Variants in PBX1 observed in about 807,000 individuals in gnomAD.
The protein encoded by PBX1 is pre-B-cell leukemia transcription factor 1.
In PBX1, 6 loss-of-function variants were observed where a neutral mutation model predicts 53.4. The observed-to-expected ratio is 0.11, with a 90% confidence interval of 0.06 to 0.22. The LOEUF is 0.22. PBX1 is among the 10% of genes least tolerant of loss of function. The pLI is 1.00. For synonymous variants in PBX1, 204 were observed against 212.3 expected, an observed-to-expected ratio of 0.96 and a Z score of 0.34; for missense variants, 251 against 551.4, an observed-to-expected ratio of 0.46 and a Z score of 5.46.
chr1:164,571,760 C>G (rs546014070), intron 2 of PBX1, among the ~76,000 whole-genome samples: 2 of 150,546 alleles, frequency 1.3e-5, no homozygotes, highest in Non-Finnish European at 3.0e-5. Context: ...CGTGATAACT[C>G]TATGTTTAGA....
At chr1:164,852,551 CT>C (rs999837897), downstream of PBX1, among the ~76,000 whole-genome samples, 3 of 152,176 alleles carry the variant, frequency 2.0e-5, no homozygotes, top group Admixed American at 1.3e-4. Flanking sequence ...CCTTGTCTGC[CT>C]TTTGACATGT....
intron 2 of PBX1, among the ~76,000 whole-genome samples, chr1:164,676,912 C>T (rs777589250): frequency 8.5e-5 from 13 of 152,126 alleles, no homozygotes; most frequent in Non-Finnish European, 1.3e-4. Context: ...ATGTGTCAGG[C>T]TCATCTCAAC....
At chr1:164,596,665 C>T (rs1451377324) in intron 2 of PBX1, among the ~76,000 whole-genome samples, 1 of 152,132 alleles carries the variant, frequency 6.6e-6, no homozygotes, top group Non-Finnish European at 1.5e-5. Context: ...GGGGCAGAAG[C>T]TTCTGTTCCA....
chr1:164,594,670 A>G (rs1655637103), intron 2 of PBX1, among the ~76,000 whole-genome samples: 1 of 152,230 alleles, frequency 6.6e-6, no homozygotes, highest in African/African-American at 2.4e-5. Context: ...ATTAATTTTA[A>G]TAAAATATTT....
intron 2 of PBX1, among the ~76,000 whole-genome samples, chr1:164,689,517 C>T (rs1447921155): frequency 1.3e-5 from 2 of 152,082 alleles, no homozygotes; most frequent in Non-Finnish European, 2.9e-5. Context: ...GATGCCAATC[C>T]AGATGAAGAG....
At chr1:164,660,443 G>A (rs746650217) in intron 2 of PBX1, among the ~76,000 whole-genome samples, 8 of 152,190 alleles carry the variant, frequency 5.3e-5, no homozygotes, top group Non-Finnish European at 7.3e-5. Context: ...TAAGACTGGC[G>A]AAAGATCAAG....
intron 2 of PBX1, among the ~76,000 whole-genome samples, chr1:164,712,652 G>A (rs1663864031): frequency 2.6e-5 from 4 of 152,198 alleles, no homozygotes; most frequent in Admixed American, 2.6e-4. Context: ...ATCACCATGA[G>A]AGGCAGAGGG....
At chr1:164,846,452 C>T (rs1671572862) in intron 8 of PBX1, 132 bp from the exon 9 acceptor site, 2 of 766,124 alleles carry the variant, frequency 2.6e-6, no homozygotes, top group African/African-American at 1.7e-5. Context: ...GTAATAGTTG[C>T]CCATTTGATG....
At chr1:164,733,590 T>C (rs1214248830) in intron 2 of PBX1, among the ~76,000 whole-genome samples, 1 of 152,204 alleles carries the variant, frequency 6.6e-6, no homozygotes, top group East Asian at 1.9e-4. Flanking sequence ...ATACTGGGTA[T>C]ACTATGTAGT....
intron 8 of PBX1, among the ~76,000 whole-genome samples, chr1:164,842,984 C>T (rs185097265): frequency 8.0e-5 from 12 of 149,072 alleles, no homozygotes; most frequent in East Asian, 4.0e-4. Flanking sequence ...CACACAAAGG[C>T]GGAGTTTCCT....
intron 3 of PBX1, among the ~76,000 whole-genome samples, chr1:164,793,872 C>CCT (rs1553247240): frequency 1.3e-5 from 1 of 78,218 alleles, no homozygotes; most frequent in African/African-American, 5.1e-5. Flanking sequence ...TTTTTCCTTT[C>CCT]TTTTTTTTTT....
rs550345452 is a variant in PBX1, at chr1:164,827,814, A to T, written c.1200+6188A>T. On this transcript the variant is annotated intron_variant, in intron 8 of 8. Transcript: ENST00000420696. ...CATGCATTCATTTATTCATTTGCTT[A>T]TTCATTCATTCACTCATTCATTCAA... Among the ~76,000 whole-genome samples the T allele has an allele frequency of 2.0e-5, 3 of 152,346 alleles. No homozygotes were observed. The South Asian group carries it at 6.2e-4, about 32-fold the overall frequency.
intron 2 of PBX1, among the ~76,000 whole-genome samples, chr1:164,677,542 G>T (rs186848620): frequency 1.3e-5 from 2 of 152,224 alleles, no homozygotes; most frequent in East Asian, 3.9e-4. Context: ...GTAAACCACA[G>T]ATGATAATGT....
chr1:164,796,979 C>T (rs1179490763), intron 3 of PBX1, among the ~76,000 whole-genome samples: 2 of 152,148 alleles, frequency 1.3e-5, no homozygotes, highest in Admixed American at 6.5e-5. Context: ...ATGGGTAGCT[C>T]CTTCCTTCCC....
intron 2 of PBX1, among the ~76,000 whole-genome samples, chr1:164,704,641 A>G (rs570083075): frequency 7.0e-6 from 1 of 143,474 alleles, no homozygotes; most frequent in South Asian, 2.5e-4. Context: ...TTGGATGGAT[A>G]CACACACATA....
intron 2 of PBX1, among the ~76,000 whole-genome samples, chr1:164,618,299 G>GA (rs996375780): frequency 5.3e-5 from 1 of 19,044 alleles, no homozygotes; most frequent in Non-Finnish European, 1.5e-4. Flanking sequence ...AATCACGGCG[G>GA]GGGGGGGGGG....
chr1:164,880,467 C>T (rs1378163785), intron 2 of PBX1, among the ~76,000 whole-genome samples: 1 of 152,202 alleles, frequency 6.6e-6, no homozygotes, highest in African/African-American at 2.4e-5. Flanking sequence ...GGTGTGGGGA[C>T]TTGGGAAGGT....
chr1:164,792,928 A>C (rs1406659734), intron 3 of PBX1, among the ~76,000 whole-genome samples, 190 bp downstream of exon 3: 1 of 152,200 alleles, frequency 6.6e-6, no homozygotes, highest in Non-Finnish European at 1.5e-5. Context: ...TCAACTGTTA[A>C]AAACCTAGGC....
chr1:164,627,964 G>T (rs1236023284), intron 2 of PBX1, among the ~76,000 whole-genome samples: 1 of 152,166 alleles, frequency 6.6e-6, no homozygotes, highest in Non-Finnish European at 1.5e-5. Flanking sequence ...AATAGAGCAA[G>T]AACCCCAAGA....
Sources: gnomAD v4.1 joint callset for allele counts (sites outside exome capture counted in the v4.1 genomes callset) on GRCh38, gnomAD v4.1.1 for gene constraint, MANE v1.5 for transcripts, NCBI Gene and HGNC (gene_info 2026-07-23, HGNC 2026-07-21) for gene names.